NRG1: variants seen among roughly 807,000 people sequenced by gnomAD.
The protein encoded by NRG1 is neuregulin 1.
NRG1 carries 18 observed loss-of-function variants against 63.8 expected under a neutral mutation model. The observed-to-expected ratio is 0.28, with a 90% CI of 0.19 to 0.42. The LOEUF (loss-of-function observed/expected upper bound fraction) is 0.42, where lower values mean the gene tolerates loss of function less well. Ranked by LOEUF, NRG1 falls within the 10% of genes least tolerant of loss-of-function variation. The pLI, the probability that NRG1 is intolerant of heterozygous loss-of-function variation, is 1.00. For missense variants in NRG1, 762 were observed against 814.7 expected, an observed-to-expected ratio of 0.94 and a Z score of 0.79; for synonymous variants, 302 against 301.3, an observed-to-expected ratio of 1.00 and a Z score of -0.02.
intron 1 of NRG1, among the ~76,000 whole-genome samples, chr8:32,441,602 T>A (rs1043982132): frequency 2.0e-5 from 3 of 151,942 alleles, no homozygotes; most frequent in Admixed American, 1.3e-4. Flanking sequence ...CTGGGAGACA[T>A]AGTGAGATGC....
intron 1 of NRG1, among the ~76,000 whole-genome samples, chr8:32,392,137 A>T (rs1811850633): frequency 1.3e-5 from 2 of 152,186 alleles, no homozygotes; most frequent in Admixed American, 6.5e-5. Context: ...GAGGCTGGCG[A>T]TCACCATTAT....
chr8:32,118,855 T>A (rs936430556), intron 1 of NRG1, among the ~76,000 whole-genome samples: 2 of 152,040 alleles, frequency 1.3e-5, no homozygotes, highest in Admixed American at 6.6e-5. Context: ...TGAAACCAGC[T>A]CCTTGTACCT....
chr8:32,770,995 T>G (rs549207191), downstream of NRG1, among the ~76,000 whole-genome samples: 21 of 152,334 alleles, frequency 1.4e-4, no homozygotes, highest in South Asian at 3.7e-3. Context: ...CTTTATGTTA[T>G]CATTTCTCCA....
At chr8:32,029,707 T>G (rs1817969486) in intron 1 of NRG1, among the ~76,000 whole-genome samples, 1 of 152,238 alleles carries the variant, frequency 6.6e-6, no homozygotes, top group Admixed American at 6.5e-5. Flanking sequence ...AGCCCACATC[T>G]GATACGATTT....
At chr8:32,045,792 A>C (rs898547993) in intron 1 of NRG1, among the ~76,000 whole-genome samples, 11 of 152,022 alleles carry the variant, frequency 7.2e-5, no homozygotes, top group Non-Finnish European at 1.6e-4. Context: ...CTCACATATT[A>C]TGCAAAAAGA....
intron 5 of NRG1, chr8:32,647,686 G>T: frequency 6.6e-7 from 1 of 1,520,698 alleles, no homozygotes; most frequent in South Asian, 1.3e-5. Context: ...TGGACCGTGA[G>T]AGCGGCCAGG....
At chr8:31,759,005 A>G (rs28805006) in intron 1 of NRG1, among the ~76,000 whole-genome samples, 9,044 of 152,182 alleles carry the variant, frequency 0.059, 878 homozygotes, top group African/African-American at 0.2. Context: ...CTGATGAATA[A>G]TGATGTTGGA....
rs530269838 is a variant in NRG1, at chr8:32,186,321, C to T, written c.38-409507C>T. On this transcript the variant is annotated intron_variant, in intron 1 of 10. Transcript: ENST00000519301. ...ACTAAAAATACAAAAATTAGCCAGG[C>T]GTGATGGTGGGCCCCTGTAGTCCCT... is the stretch of plus-strand genomic sequence containing the variant. Among the ~76,000 whole-genome samples, 5 of 151,842 alleles carry T rather than the reference C, an allele frequency of 3.3e-5. No individual in the cohort carries two copies. In the South Asian group the frequency reaches 1.0e-3, roughly 32 times the overall value.
At chr8:32,190,979 C>A (rs950400003) in intron 1 of NRG1, among the ~76,000 whole-genome samples, 2 of 152,162 alleles carry the variant, frequency 1.3e-5, no homozygotes, top group African/African-American at 4.8e-5. Context: ...GGATAGTAGA[C>A]AAACATCCAT....
chr8:31,969,970 C>T (rs1807016531), intron 1 of NRG1, among the ~76,000 whole-genome samples: 1 of 151,938 alleles, frequency 6.6e-6, no homozygotes, highest in Non-Finnish European at 1.5e-5. Flanking sequence ...AGTTGTGAGA[C>T]CATGATTCAC....
intron 1 of NRG1, among the ~76,000 whole-genome samples, chr8:31,953,622 A>G (rs892926435): frequency 2.0e-5 from 3 of 152,202 alleles, no homozygotes; most frequent in African/African-American, 7.2e-5. Context: ...AGTTCACTGT[A>G]AAGGCCAGAA....
intron 1 of NRG1, among the ~76,000 whole-genome samples, chr8:32,120,016 T>G (rs1454570130): frequency 6.6e-6 from 1 of 152,052 alleles, no homozygotes; most frequent in African/African-American, 2.4e-5. Context: ...GGCAATTTAT[T>G]AAATCTCTCC....
intron 1 of NRG1, among the ~76,000 whole-genome samples, chr8:32,514,953 T>C (rs1829660312): frequency 6.6e-6 from 1 of 151,972 alleles, no homozygotes; most frequent in Non-Finnish European, 1.5e-5. Context: ...CAACATGATT[T>C]TATTCTTTTT....
chr8:31,837,431 C>G (rs1825780343), intron 1 of NRG1, among the ~76,000 whole-genome samples: 1 of 152,114 alleles, frequency 6.6e-6, no homozygotes, highest in East Asian at 1.9e-4. Context: ...TGTCCTAATA[C>G]ATGTACATAT....
chr8:31,677,261 T>C (rs572979042), intron 1 of NRG1, among the ~76,000 whole-genome samples: 16 of 152,122 alleles, frequency 1.1e-4, no homozygotes, highest in Non-Finnish European at 2.4e-4. Flanking sequence ...TCTTAAGACA[T>C]GTTTAAAAGT....
chr8:32,453,852 A>G (rs1821281365), intron 1 of NRG1, among the ~76,000 whole-genome samples: 2 of 152,186 alleles, frequency 1.3e-5, no homozygotes, highest in Admixed American at 1.3e-4. Context: ...CAGCTCAGGC[A>G]AGCCCAGCCT....
chr8:32,248,696 C>T (rs1432684640), intron 1 of NRG1, among the ~76,000 whole-genome samples: 1 of 152,042 alleles, frequency 6.6e-6, no homozygotes, highest in South Asian at 2.1e-4. Flanking sequence ...TGCTTAAACA[C>T]AAATTTTTAT....
intron 1 of NRG1, among the ~76,000 whole-genome samples, chr8:31,846,304 C>T (rs1412787014): frequency 2.0e-5 from 3 of 152,104 alleles, no homozygotes; most frequent in East Asian, 1.9e-4. Flanking sequence ...GTTTAATTGA[C>T]GAGTTGATGG....
intron 1 of NRG1, among the ~76,000 whole-genome samples, chr8:32,300,370 A>G (rs1248891486): frequency 6.6e-6 from 1 of 152,232 alleles, no homozygotes; most frequent in African/African-American, 2.4e-5. Flanking sequence ...ATCAAGAGAC[A>G]TAGATAGGAT....
Sources: allele counts gnomAD v4.1 joint callset (sites outside exome capture counted in the v4.1 genomes callset), GRCh38; gene constraint gnomAD v4.1.1; transcripts MANE v1.5; gene names NCBI Gene and HGNC (gene_info 2026-07-23, HGNC 2026-07-21).